NEMP2: variants seen among roughly 807,000 people sequenced by gnomAD.
NEMP2 encodes nuclear envelope integral membrane protein 2, also known as UPF0571 transmembrane protein.
Under a neutral mutation model 54.2 loss-of-function variants are expected in NEMP2, and 53 were observed. The observed-to-expected ratio is 0.98, with a 90% confidence interval of 0.78 to 1.23. NEMP2 has a LOEUF of 1.23. Ranked by LOEUF, NEMP2 falls within the 50% of genes most tolerant of loss-of-function variation. The pLI is 0.00. For synonymous variants in NEMP2, 197 were observed against 190.3 expected (o/e 1.04, Z -0.29); for missense variants, 455 against 511.3 (o/e 0.89, Z 1.06).
At chr2:190,600,101 G>C in the NEMP2 span, among the ~76,000 whole-genome samples, 1 of 152,178 alleles carries the variant, frequency 6.6e-6, no homozygotes, top group Non-Finnish European at 1.5e-5. The surrounding 1 kb of genome is among the most constrained non-coding windows in gnomAD (Gnocchi z 4.9). Context: ...GTTTTCGAAG[G>C]TTTCTTATCT....
At chr2:190,544,412 C>T in the NEMP2 span, among the ~76,000 whole-genome samples, 3 of 151,886 alleles carry the variant, frequency 2.0e-5, no homozygotes, top group Non-Finnish European at 4.4e-5. Context: ...TAATAAATTG[C>T]TAAAGCTCTT....
the NEMP2 span, among the ~76,000 whole-genome samples, chr2:190,458,596 T>C: frequency 1.3e-5 from 2 of 152,202 alleles, no homozygotes; most frequent in African/African-American, 4.8e-5. The surrounding 1 kb of genome is among the most constrained non-coding windows in gnomAD (Gnocchi z 5.3). Context: ...TTAGATTCCC[T>C]TCCCCCCGAG....
At chr2:190,471,477 G>A in the NEMP2 span, among the ~76,000 whole-genome samples, 3 of 152,176 alleles carry the variant, frequency 2.0e-5, no homozygotes, top group Admixed American at 2.0e-4. This position sits in a 1 kb window ranked among gnomAD's most constrained non-coding sequence, Gnocchi z 4.7. Context: ...CTACGCCCAC[G>A]GAGCCTCCCT....
chr2:190,518,214 C>G (rs959401465), intron 4 of NEMP2, among the ~76,000 whole-genome samples: 4 of 152,078 alleles, frequency 2.6e-5, no homozygotes, highest in African/African-American at 9.7e-5. Flanking sequence ...TTCCAAGAAG[C>G]AAAACATCAG....
At chr2:190,428,264 C>G in the NEMP2 span, among the ~76,000 whole-genome samples, 1 of 152,140 alleles carries the variant, frequency 6.6e-6, no homozygotes, top group African/African-American at 2.4e-5. Flanking sequence ...AGGTTGCTCC[C>G]AGTTTTGAGC....
chr2:190,541,897 CT>C, the NEMP2 span, among the ~76,000 whole-genome samples: 1 of 151,146 alleles, frequency 6.6e-6, no homozygotes, highest in East Asian at 1.9e-4. The surrounding 1 kb of genome is among the most constrained non-coding windows in gnomAD (Gnocchi z 5.2). Flanking sequence ...TCTAACAGCA[CT>C]TTGAAAATGT....
chr2:190,610,765 CTTAA>C, the NEMP2 span: 1 of 152,190 alleles, frequency 6.6e-6, no homozygotes, highest in Non-Finnish European at 1.5e-5. This position sits in a 1 kb window ranked among gnomAD's most constrained non-coding sequence, Gnocchi z 5.4. Flanking sequence ...GTATACTTTA[CTTAA>C]TTGTTAAAAG....
the NEMP2 span, among the ~76,000 whole-genome samples, chr2:190,562,104 G>A: frequency 6.6e-6 from 1 of 152,290 alleles, no homozygotes; most frequent in South Asian, 2.1e-4. This position sits in a 1 kb window ranked among gnomAD's most constrained non-coding sequence, Gnocchi z 5.0. Flanking sequence ...AGGATGACCT[G>A]GATGACTGAA....
At chr2:190,630,552 ACCTTACAGTC>A in the NEMP2 span, among the ~76,000 whole-genome samples, 1 of 152,138 alleles carries the variant, frequency 6.6e-6, no homozygotes, top group Non-Finnish European at 1.5e-5. This position sits in a 1 kb window ranked among gnomAD's most constrained non-coding sequence, Gnocchi z 5.5. Flanking sequence ...TTAGGCATCC[ACCTTACAGTC>A]CTGATACGGC....
Position 190,510,584 on chromosome 2 carries a change from T to C in NEMP2, c.954-47A>G. On this transcript the variant is annotated intron_variant, in intron 7 of 8. Transcript: ENST00000409150. The surrounding 1 kb of genome is among the most constrained non-coding windows in gnomAD (Gnocchi z 5.7). ...CAGGATTACTTCCTAATTCAATCCTTAAGATTTACAAAAATAGGCCAGGCT... is the reference window on the plus strand; with the variant it reads ...CAGGATTACTTCCTAATTCAATCCTCAAGATTTACAAAAATAGGCCAGGCT... 4.5e-6 allele frequency: 7 copies of C among 1,543,872 alleles called. No homozygotes were observed. The highest frequency in any genetic ancestry group is 6.1e-6 in the Non-Finnish European group (7 of 1,140,506).
chr2:190,482,903 T>TTG, the NEMP2 span, among the ~76,000 whole-genome samples: 282 of 86,224 alleles, frequency 3.3e-3, 92 homozygotes, highest in South Asian at 6.7e-3. Flanking sequence ...TTTTTTTTTT[T>TTG]AGACGGAGTC....
At chr2:190,556,904 AGTAATTTATAGATTCAAT>A in the NEMP2 span, among the ~76,000 whole-genome samples, 1 of 152,224 alleles carries the variant, frequency 6.6e-6, no homozygotes, top group African/African-American at 2.4e-5. Context: ...TACTGCCCAA[AGTAATTTATAGATTCAAT>A]GCTATCCCCA....
chr2:190,456,141 A>G, the NEMP2 span, among the ~76,000 whole-genome samples: 1 of 151,832 alleles, frequency 6.6e-6, no homozygotes, highest in South Asian at 2.1e-4. This position sits in a 1 kb window ranked among gnomAD's most constrained non-coding sequence, Gnocchi z 5.4. Context: ...GGGTTTCACC[A>G]TGTTGGTCAG....
At chr2:190,431,452 C>T in the NEMP2 span, among the ~76,000 whole-genome samples, 3 of 152,256 alleles carry the variant, frequency 2.0e-5, no homozygotes, top group South Asian at 2.1e-4. This position sits in a 1 kb window ranked among gnomAD's most constrained non-coding sequence, Gnocchi z 4.4. Flanking sequence ...TCTGCAATCC[C>T]GGCACCTCTG....
the NEMP2 span, among the ~76,000 whole-genome samples, chr2:190,620,565 A>C: frequency 1.3e-5 from 2 of 152,236 alleles, no homozygotes; most frequent in African/African-American, 4.8e-5. The surrounding 1 kb of genome is among the most constrained non-coding windows in gnomAD (Gnocchi z 4.9). Context: ...TTGTTTTAAC[A>C]ATTCAGCCCT....
the NEMP2 span, chr2:190,469,758 G>A: frequency 1.2e-6 from 1 of 860,532 alleles, no homozygotes; most frequent in East Asian, 3.3e-5. This position sits in a 1 kb window ranked among gnomAD's most constrained non-coding sequence, Gnocchi z 5.3. Flanking sequence ...TTTTTTTTAG[G>A]GTTCTGTACA....
chr2:190,615,786 C>T, the NEMP2 span, among the ~76,000 whole-genome samples: 1 of 152,166 alleles, frequency 6.6e-6, no homozygotes, highest in Admixed American at 6.5e-5. The surrounding 1 kb of genome is among the most constrained non-coding windows in gnomAD (Gnocchi z 4.7). Flanking sequence ...TTAGGAGAGT[C>T]CAAGCATTTT....
chr2:190,435,851 T>C, the NEMP2 span: 1 of 837,238 alleles, frequency 1.2e-6, no homozygotes, highest in Non-Finnish European at 1.8e-6. Context: ...AAGTGATAAA[T>C]GATGAGAATT....
chr2:190,477,393 AAAG>A, the NEMP2 span: 1 of 965,584 alleles, frequency 1.0e-6, no homozygotes, highest in African/African-American at 1.8e-5. Context: ...TACCTACAGA[AAAG>A]AAATGACTAT....
Sources: allele counts gnomAD v4.1 joint callset (sites outside exome capture counted in the v4.1 genomes callset), GRCh38; gene constraint gnomAD v4.1.1; non-coding constraint Gnocchi (gnomAD v3.1); transcripts MANE v1.5; gene names NCBI Gene and HGNC (gene_info 2026-07-23, HGNC 2026-07-21).